PEBP4: variants seen among roughly 807,000 people sequenced by gnomAD.
The protein encoded by PEBP4 is phosphatidylethanolamine-binding protein 4.
In PEBP4, 22 loss-of-function variants were observed where a neutral mutation model predicts 23.9. The observed-to-expected ratio is 0.92, with a 90% confidence interval of 0.66 to 1.31. The LOEUF (loss-of-function observed/expected upper bound fraction) is 1.31, where lower values mean the gene tolerates loss of function less well. Ranked by LOEUF, PEBP4 falls within the 40% of genes most tolerant of loss-of-function variation. PEBP4 has a pLI of 0.00. For synonymous variants in PEBP4, 112 were observed against 99.3 expected, an observed-to-expected ratio of 1.13 and a Z score of -0.76; for missense variants, 324 against 281.7, an observed-to-expected ratio of 1.15 and a Z score of -1.07.
At chr8:22,816,404 A>G (rs1239813579) in intron 4 of PEBP4, among the ~76,000 whole-genome samples, 1 of 151,784 alleles carries the variant, frequency 6.6e-6, no homozygotes, top group Non-Finnish European at 1.5e-5. Flanking sequence ...CTACCCTCTC[A>G]CCCCCCTACT....
In PEBP4 at chr8:22,807,154, T is replaced by C. The variant is rs141571736; in HGVS notation, c.357+10483A>G. 5.8e-3 allele frequency among the ~76,000 whole-genome samples: 878 copies of C among 152,312 alleles called. 13 individuals carry two copies. The highest frequency in any genetic ancestry group is 0.02 in the African/African-American group (816 of 41,554). On this transcript the variant is annotated intron_variant, in intron 4 of 6. Transcript: ENST00000256404. ...AAGCTCTTTCTGGACCTTGGAGGTG[T>C]AATTCATTTAGCAATCTCAACTCAT...
chr8:22,826,042 G>C (rs1806960080), intron 3 of PEBP4, among the ~76,000 whole-genome samples: 1 of 152,122 alleles, frequency 6.6e-6, no homozygotes, highest in South Asian at 2.1e-4. Context: ...GGTGGTGGGG[G>C]GACATGGGGA....
At chr8:22,873,328 C>T (rs1468308271) in intron 3 of PEBP4, among the ~76,000 whole-genome samples, 1 of 152,158 alleles carries the variant, frequency 6.6e-6, no homozygotes, top group Admixed American at 6.5e-5. Context: ...ACCAAGATAG[C>T]ATTTAAAGTA....
chr8:22,832,249 C>T lies in PEBP4; in HGVS notation c.259-14514G>A, dbSNP rs192969115. ...CCCTACTTCCCAAGTTGATGGTGTT[C>T]GGACGTGGGGCCTCTGGGAGGTAGT... On this transcript the variant is annotated intron_variant, in intron 3 of 6. Coordinates refer to ENST00000256404, the MANE Select transcript of PEBP4 (RefSeq NM_144962.3). 2.6e-3 allele frequency among the ~76,000 whole-genome samples: 395 copies of T among 152,244 alleles called. 3 individuals carry two copies. Among genetic ancestry groups the T allele is most frequent in the Non-Finnish European group, 1.9e-3 (130 of 68,018 alleles).
intron 4 of PEBP4, among the ~76,000 whole-genome samples, chr8:22,729,788 CTGGTGGAGGA>C (rs1268274483): frequency 2.0e-5 from 3 of 152,236 alleles, no homozygotes; most frequent in African/African-American, 7.2e-5. Flanking sequence ...GGGGGAGGAC[CTGGTGGAGGA>C]GGGTGGAGGA....
chr8:22,857,628 C>A (rs559185548), intron 3 of PEBP4, among the ~76,000 whole-genome samples: 1 of 152,020 alleles, frequency 6.6e-6, no homozygotes, highest in African/African-American at 2.4e-5. Context: ...CACAGGAGAA[C>A]CTGAAGTTGG....
At chr8:22,841,486 TC>T (rs961049634) in intron 3 of PEBP4, among the ~76,000 whole-genome samples, 8 of 152,212 alleles carry the variant, frequency 5.3e-5, no homozygotes, top group African/African-American at 1.9e-4. Flanking sequence ...AGCAAACGGG[TC>T]CTTTCTCTAT....
intron 3 of PEBP4, among the ~76,000 whole-genome samples, chr8:22,909,727 G>C (rs886770077): frequency 6.6e-6 from 1 of 152,166 alleles, no homozygotes; most frequent in African/African-American, 2.4e-5. Context: ...TTCAAATCCT[G>C]ACTCTGTTGC....
chr8:22,862,285 G>C (rs965227334), intron 3 of PEBP4, among the ~76,000 whole-genome samples: 4 of 152,064 alleles, frequency 2.6e-5, no homozygotes, highest in Admixed American at 2.6e-4. Flanking sequence ...ATGTCTTCCA[G>C]CTATAACATT....
At chr8:22,780,911 C>G (rs1448484176) in intron 4 of PEBP4, among the ~76,000 whole-genome samples, 1 of 152,230 alleles carries the variant, frequency 6.6e-6, no homozygotes, top group African/African-American at 2.4e-5. Context: ...CACAGCCTGT[C>G]TTTCTTAGTG....
intron 3 of PEBP4, among the ~76,000 whole-genome samples, chr8:22,829,492 G>A (rs1269245402): frequency 6.6e-6 from 1 of 152,064 alleles, no homozygotes; most frequent in Non-Finnish European, 1.5e-5. Context: ...GAAATTGAAG[G>A]CATCAAATAG....
intron 4 of PEBP4, among the ~76,000 whole-genome samples, chr8:22,761,750 G>T (rs780386882): frequency 1.3e-5 from 2 of 152,180 alleles, no homozygotes; most frequent in African/African-American, 2.4e-5. Flanking sequence ...AGTCAACAGA[G>T]GGTTCTTTTT....
At chr8:22,790,786 AT>A (rs1806121816) in intron 4 of PEBP4, among the ~76,000 whole-genome samples, 1 of 152,228 alleles carries the variant, frequency 6.6e-6, no homozygotes, top group African/African-American at 2.4e-5. Context: ...CAAATATCAT[AT>A]AAAAAGGGCT....
At chr8:22,798,160 G>T (rs1040191873) in intron 4 of PEBP4, among the ~76,000 whole-genome samples, 3 of 152,164 alleles carry the variant, frequency 2.0e-5, no homozygotes, top group Admixed American at 6.5e-5. Flanking sequence ...ACTCAGATAG[G>T]AGGGGGTCCT....
At chr8:22,748,740 A>G (rs1237056078) in intron 4 of PEBP4, among the ~76,000 whole-genome samples, 1 of 152,040 alleles carries the variant, frequency 6.6e-6, no homozygotes, top group East Asian at 1.9e-4. Flanking sequence ...CATCCCAGAA[A>G]AATAGAAGAG....
At chr8:22,759,608 T>A (rs530516786) in intron 4 of PEBP4, among the ~76,000 whole-genome samples, 2 of 152,100 alleles carry the variant, frequency 1.3e-5, no homozygotes, top group African/African-American at 4.8e-5. Flanking sequence ...CCCCACCACC[T>A]CCCCGGGAGC....
rs566659067 is a variant in PEBP4 at position 22,935,130 on chromosome 8, T to C, written c.145-7410A>G. Among the ~76,000 whole-genome samples the C allele has an allele frequency of 2.8e-3, 432 of 152,172 alleles. 2 individuals carry two copies. Among genetic ancestry groups the C allele is most frequent in the African/African-American group, 9.9e-3 (410 of 41,516 alleles). On this transcript the variant is annotated intron_variant, in intron 1 of 1. Coordinates refer to the PEBP4 transcript ENST00000522278. ...ATATATAAGCATACAAGGATAGAAT[T>C]GAAGGGAAAAATAGGTAGCTTAACA...
At chr8:22,751,630 CTGTGTGTGTG>C (rs66800038) in intron 4 of PEBP4, among the ~76,000 whole-genome samples, 16 of 137,584 alleles carry the variant, frequency 1.2e-4, no homozygotes, top group African/African-American at 2.0e-4. Flanking sequence ...GTGTGTGTCT[CTGTGTGTGTG>C]TGTGTGTGTG....
intron 3 of PEBP4, among the ~76,000 whole-genome samples, chr8:22,907,433 A>G (rs1226562534): frequency 6.6e-6 from 1 of 152,080 alleles, no homozygotes; most frequent in Non-Finnish European, 1.5e-5. Context: ...AATCACTTGA[A>G]CCCGGGAGGC....
Sources: gnomAD v4.1 joint callset for allele counts (sites outside exome capture counted in the v4.1 genomes callset) on GRCh38, gnomAD v4.1.1 for gene constraint, MANE v1.5 for transcripts, NCBI Gene and HGNC (gene_info 2026-07-23, HGNC 2026-07-21) for gene names.